Variants in PARVB observed in about 807,000 individuals in gnomAD.
PARVB encodes the protein parvin beta.
PARVB carries 46 observed loss-of-function variants against 47.0 expected under a neutral mutation model. That is an observed-to-expected ratio of 0.98 (90% CI 0.77 to 1.25). The LOEUF (loss-of-function observed/expected upper bound fraction) is 1.25, where lower values mean the gene tolerates loss of function less well. PARVB is among the 50% of genes most tolerant of loss of function. PARVB has a pLI of 0.00. For missense variants in PARVB, 473 were observed against 471.6 expected, an observed-to-expected ratio of 1.00 and a Z score of -0.03; for synonymous variants, 196 against 196.3, an observed-to-expected ratio of 1.00 and a Z score of 0.01.
At position 44,103,762 on chromosome 22, in the gene PARVB, C is replaced by T. The variant is rs920830834; in HGVS notation, c.273+3639C>T. 3 of 152,240 alleles carry T rather than the reference C, an allele frequency of 2.0e-5. No homozygotes were observed. The highest frequency in any genetic ancestry group is 7.2e-5 in the African/African-American group (3 of 41,462). 9.4% of individuals were successfully genotyped at this position (152,240 alleles called of 1,614,324 possible). A position where few individuals can be genotyped will look rare whatever the true frequency, so the allele number is the denominator to read the frequency against. On this transcript the variant is annotated intron_variant, in intron 3 of 12. Transcript: ENST00000338758. This position sits in a 1 kb window ranked among gnomAD's most constrained non-coding sequence, Gnocchi z 4.6. ...GACCCTGGAGGCAAGGTGGTAGCTT[C>T]TGGCTCTGAAGATGGAAGAAGGGGC...
intron 1 of PARVB, among the ~76,000 whole-genome samples, chr22:44,042,527 G>T (rs547857305): frequency 1.3e-5 from 2 of 152,226 alleles, no homozygotes; most frequent in Non-Finnish European, 1.5e-5. Flanking sequence ...GAGAAGACAC[G>T]CCACCCTGGG....
At position 44,039,193 on chromosome 22, in the gene PARVB, A is replaced by G. The variant is rs192949438; in HGVS notation, c.112+14742A>G. Among the ~76,000 whole-genome samples the G allele has an allele frequency of 3.3e-5, 5 of 152,278 alleles. No homozygotes were observed. The East Asian group carries it at 9.7e-4, about 29-fold the overall frequency. On this transcript the variant is annotated intron_variant, in intron 1 of 12. Coordinates refer to ENST00000338758, the MANE Select transcript of PARVB (RefSeq NM_013327.5). ...CAGCTTGGTAGTTTCTTTTAAAATC[A>G]AGTAACCATCCTTCCTATGACCCAG...
chr22:44,011,104 G>T (rs1305507774), intron 2 of PARVB, among the ~76,000 whole-genome samples: 2 of 152,032 alleles, frequency 1.3e-5, no homozygotes, highest in Admixed American at 6.5e-5. Flanking sequence ...GATTACAGGC[G>T]TGAGCCACTG....
At chr22:44,131,237 G>A (rs1467445011) in intron 4 of PARVB, among the ~76,000 whole-genome samples, 1 of 151,334 alleles carries the variant, frequency 6.6e-6, no homozygotes, top group Non-Finnish European at 1.5e-5. Context: ...CACCTCCCGG[G>A]TTCAAGCACT....
At chr22:44,079,772 A>G (rs1450004877) in intron 1 of PARVB, among the ~76,000 whole-genome samples, 1 of 152,176 alleles carries the variant, frequency 6.6e-6, no homozygotes, top group African/African-American at 2.4e-5. Flanking sequence ...TACTAAACAT[A>G]CAAAAATTAG....
intron 9 of PARVB, chr22:44,149,778 T>TCTAA (rs1555911786): frequency 6.6e-6 from 1 of 151,980 alleles, no homozygotes; most frequent in Non-Finnish European, 1.5e-5. Context: ...GGTGGAGCTC[T>TCTAA]CTGTGTTTGT....
At chr22:44,028,255 G>T (rs1218416647) in intron 1 of PARVB, among the ~76,000 whole-genome samples, 1 of 152,074 alleles carries the variant, frequency 6.6e-6, no homozygotes, top group Non-Finnish European at 1.5e-5. Flanking sequence ...TCCTCTTTCT[G>T]CTGCCTATGC....
chr22:44,008,987 TTAAAAA>T (rs1290000058), intron 2 of PARVB, among the ~76,000 whole-genome samples: 4 of 152,176 alleles, frequency 2.6e-5, no homozygotes, highest in Admixed American at 6.5e-5. Context: ...AGACTCCATC[TTAAAAA>T]TAAATAAGTA....
chr22:44,051,047 C>G (rs2051199412), intron 1 of PARVB, among the ~76,000 whole-genome samples: 1 of 152,178 alleles, frequency 6.6e-6, no homozygotes, highest in African/African-American at 2.4e-5. Context: ...TCTCGGGAGG[C>G]CTGAGACTCC....
intron 2 of PARVB, among the ~76,000 whole-genome samples, chr22:44,011,446 CTACTT>C (rs1192877172): frequency 1.3e-5 from 2 of 151,892 alleles, no homozygotes; most frequent in Non-Finnish European, 2.9e-5. Context: ...AACCCTGTCT[CTACTT>C]TATACAAAAG....
At chr22:43,999,269 C>A in exon 1 of PARVB, 6 of 1,237,970 alleles carry the variant, frequency 4.8e-6, no homozygotes, top group Non-Finnish European at 6.8e-6. Context: ...ACTAAGAACT[C>A]ATTTTAATTT....
intron 9 of PARVB, chr22:44,148,720 A>C (rs1440033904): frequency 1.3e-5 from 2 of 152,224 alleles, no homozygotes; most frequent in African/African-American, 2.4e-5. Context: ...GCTTGGTAGG[A>C]AGCATTTTTC....
At chr22:44,110,664 A>G (rs1291915985) in intron 3 of PARVB, 2 of 152,002 alleles carry the variant, frequency 1.3e-5, no homozygotes, top group East Asian at 1.9e-4. Flanking sequence ...CACTGGTGCA[A>G]TCTCGGCTCA....
chr22:44,118,192 T>G (rs2052955208), intron 3 of PARVB, among the ~76,000 whole-genome samples: 1 of 152,176 alleles, frequency 6.6e-6, no homozygotes, highest in Non-Finnish European at 1.5e-5. Flanking sequence ...AAACAAAATG[T>G]GGTCCCCCAT....
intron 10 of PARVB, 127 bp from the exon 11 acceptor site, chr22:44,157,855 T>C: frequency 1.5e-6 from 1 of 652,462 alleles, no homozygotes; most frequent in East Asian, 2.9e-5. Context: ...ATTGCATCAG[T>C]GCACTCCAGC....
intron 1 of PARVB, among the ~76,000 whole-genome samples, chr22:44,060,544 G>C (rs960851071): frequency 3.3e-5 from 5 of 152,084 alleles, no homozygotes; most frequent in Non-Finnish European, 5.9e-5. Flanking sequence ...CCGGAGCTTA[G>C]GGTGAGTTAT....
Position 44,163,839 on chromosome 22 carries a change from C to T in PARVB, c.946-19C>T, listed in dbSNP as rs1377482810. The T allele has an allele frequency of 1.1e-5, 17 of 1,598,654 alleles. No individual in the cohort carries two copies. The highest frequency in any genetic ancestry group is 1.5e-5 in the Non-Finnish European group (17 of 1,171,716). On this transcript the variant is annotated intron_variant, in intron 11 of 12. Transcript: ENST00000338758. The stretch of plus-strand genomic sequence containing the variant: ...CGACTGTTGGACCCTAACGCTGACC[C>T]ACCCCCCTTCCTTGGCAGGTCCACA...
chr22:44,122,643 C>T (rs1041636821), intron 4 of PARVB, among the ~76,000 whole-genome samples: 28 of 145,424 alleles, frequency 1.9e-4, no homozygotes, highest in Non-Finnish European at 1.1e-4. Context: ...GTATACACTC[C>T]CAGGTAACAA....
intron 8 of PARVB, chr22:44,147,225 T>A (rs1221769128): frequency 2.1e-5 from 4 of 189,608 alleles, no homozygotes; most frequent in Non-Finnish European, 4.5e-5. Context: ...TATCTGAGTG[T>A]CCCATGGCTC....
Sources: allele counts gnomAD v4.1 joint callset (sites outside exome capture counted in the v4.1 genomes callset), GRCh38; gene constraint gnomAD v4.1.1; non-coding constraint Gnocchi (gnomAD v3.1); transcripts MANE v1.5; gene names NCBI Gene and HGNC (gene_info 2026-07-23, HGNC 2026-07-21).